The following SGPP2 variants were observed in gnomAD, a reference collection of about 807,000 sequenced individuals.
SGPP2 encodes sphingosine-1-phosphate phosphatase 2.
Under a neutral mutation model 33.9 loss-of-function variants are expected in SGPP2, and 30 were observed. The observed-to-expected ratio is 0.89, with a 90% confidence interval of 0.66 to 1.20. The LOEUF is 1.20. Ranked by LOEUF, SGPP2 falls within the 50% of genes most tolerant of loss-of-function variation. SGPP2 has a pLI of 0.00. For synonymous variants in SGPP2, 233 were observed against 225.0 expected (o/e 1.04, Z -0.32); for missense variants, 458 against 532.1 (o/e 0.86, Z 1.37).
At chr2:222,458,604 G>A (rs1697608508) in intron 1 of SGPP2, among the ~76,000 whole-genome samples, 1 of 152,068 alleles carries the variant, frequency 6.6e-6, no homozygotes, top group Admixed American at 6.6e-5. Flanking sequence ...CTATTTCCGA[G>A]GCTTCCGAGT....
intron 2 of SGPP2, among the ~76,000 whole-genome samples, chr2:222,489,418 A>G (rs1698163367): frequency 6.6e-6 from 1 of 152,152 alleles, no homozygotes; most frequent in Non-Finnish European, 1.5e-5. Context: ...TATTAAGAAA[A>G]AAAAAAAAAG....
chr2:222,508,765 A>G (rs1446083478), intron 2 of SGPP2, among the ~76,000 whole-genome samples: 3 of 152,178 alleles, frequency 2.0e-5, no homozygotes, highest in East Asian at 1.9e-4. Context: ...TTTCATCTCT[A>G]TTTTTACAAA....
chr2:222,459,122 T>TTTTCTTTCTTTCTTTCTTTCTTTCTTTC lies in SGPP2; in HGVS notation c.220-15423_220-15422insCTTTCTTTCTTTCTTTCTTTCTTTCTTT, dbSNP rs1276411843. On this transcript the variant is annotated intron_variant, in intron 1 of 4. Coordinates refer to ENST00000321276, the MANE Select transcript of SGPP2 (RefSeq NM_152386.4). ...GCTTGTCTAAAAAAGACACACTTTT[T>TTTTCTTTCTTTCTTTCTTTCTTTCTTTC]TTTCTTTCTTTCTTTCTTTCTTTTT... is the stretch of plus-strand genomic sequence containing the variant. Among the ~76,000 whole-genome samples the TTTTCTTTCTTTCTTTCTTTCTTTCTTTC allele has an allele frequency of 2.9e-5, 4 of 138,938 alleles. 1 individual carries two copies. The highest frequency in any genetic ancestry group is 8.5e-3 in the Middle Eastern group (2 of 236). 91.1% of individuals were successfully genotyped at this position (138,938 alleles called of 152,430 possible). A position where few individuals can be genotyped will look rare whatever the true frequency, so the allele number is the denominator to read the frequency against.
At position 222,524,926 on chromosome 2, in the gene SGPP2, T is replaced by C. The variant is rs16863848; in HGVS notation, c.559-18T>C. The C allele has an allele frequency of 6.2e-7, 1 of 1,605,718 alleles. No individual in the cohort carries two copies. Among genetic ancestry groups the C allele is most frequent in the South Asian group, 1.1e-5 (1 of 90,642 alleles). On this transcript the variant is annotated intron_variant, in intron 3 of 4. Transcript: ENST00000321276. ...TGAGTGTGATCTAATTCCCTTGTTT[T>C]TTCTCCTTCCCCCACAGTATCCATT...
At chr2:222,481,894 A>G (rs548890795) in intron 2 of SGPP2, among the ~76,000 whole-genome samples, 5 of 152,324 alleles carry the variant, frequency 3.3e-5, no homozygotes, top group African/African-American at 9.6e-5. Flanking sequence ...CCACCATTCT[A>G]ACATAGCATG....
intron 2 of SGPP2, among the ~76,000 whole-genome samples, chr2:222,516,324 A>G (rs1248446734): frequency 6.6e-6 from 1 of 152,162 alleles, no homozygotes; most frequent in Non-Finnish European, 1.5e-5. Flanking sequence ...AATTATTTTG[A>G]GATTCATCCA....
intron 4 of SGPP2, among the ~76,000 whole-genome samples, chr2:222,556,893 C>T (rs187754876): frequency 2.8e-5 from 4 of 145,042 alleles, no homozygotes; most frequent in Non-Finnish European, 6.0e-5. Context: ...TCCACCCTCA[C>T]TCCTCCCCAT....
chr2:222,489,542 G>A (rs905344616), intron 2 of SGPP2, among the ~76,000 whole-genome samples: 1 of 151,576 alleles, frequency 6.6e-6, no homozygotes, highest in African/African-American at 2.4e-5. Context: ...ACCATAGAAA[G>A]CTTTTAGAAT....
chr2:222,548,689 T>C (rs997281137), intron 4 of SGPP2, among the ~76,000 whole-genome samples: 2 of 152,180 alleles, frequency 1.3e-5, no homozygotes, highest in African/African-American at 4.8e-5. Flanking sequence ...TGGACATTGA[T>C]GTGCTTTCAA....
At chr2:222,473,167 C>T (rs756974576) in intron 1 of SGPP2, among the ~76,000 whole-genome samples, 1 of 152,224 alleles carries the variant, frequency 6.6e-6, no homozygotes, top group Non-Finnish European at 1.5e-5. Context: ...GACTTCTTCT[C>T]TTTCATAATC....
chr2:222,513,770 T>C (rs1381115081), intron 2 of SGPP2, among the ~76,000 whole-genome samples: 1 of 151,572 alleles, frequency 6.6e-6, no homozygotes, highest in Admixed American at 6.6e-5. Flanking sequence ...TGGCCACAGG[T>C]CAAAGAGTAC....
intron 2 of SGPP2, among the ~76,000 whole-genome samples, chr2:222,507,733 A>G (rs1179206354): frequency 1.3e-5 from 2 of 152,192 alleles, no homozygotes; most frequent in African/African-American, 4.8e-5. Flanking sequence ...TGAATCTACC[A>G]TGCAGTTTCC....
chr2:222,475,509 G>C (rs921501050), intron 2 of SGPP2, among the ~76,000 whole-genome samples: 23 of 152,158 alleles, frequency 1.5e-4, no homozygotes, highest in Admixed American at 8.5e-4. Flanking sequence ...ATCAGAAGCT[G>C]TTGAGCAATA....
chr2:222,444,624 C>T (rs1057259790), intron 1 of SGPP2, among the ~76,000 whole-genome samples: 18 of 152,114 alleles, frequency 1.2e-4, no homozygotes, highest in African/African-American at 4.3e-4. Flanking sequence ...AATTCTTTTT[C>T]AAAGTTCATC....
intron 1 of SGPP2, among the ~76,000 whole-genome samples, chr2:222,468,809 C>A (rs1164997856): frequency 1.3e-5 from 2 of 152,202 alleles, no homozygotes. Context: ...TTTATTTAAA[C>A]ATTGAAGGCA....
intron 2 of SGPP2, among the ~76,000 whole-genome samples, chr2:222,492,544 G>C (rs12386196): frequency 0.17 from 25,543 of 152,236 alleles, 2,540 homozygotes; most frequent in East Asian, 0.5. Context: ...GAGGCCCTGG[G>C]TCCTGCCCAC....
chr2:222,459,142 C>CTTTCTTTTTTTTTTTTTTTTTTTTTT (rs1414316448), intron 1 of SGPP2, among the ~76,000 whole-genome samples: 3 of 94,466 alleles, frequency 3.2e-5, no homozygotes, highest in Admixed American at 1.2e-4. Context: ...TTCTTTCTTT[C>CTTTCTTTTTTTTTTTTTTTTTTTTTT]TTTTTTTTTT....
At chr2:222,454,053 G>A (rs1227134860) in intron 1 of SGPP2, among the ~76,000 whole-genome samples, 2 of 151,722 alleles carry the variant, frequency 1.3e-5, no homozygotes, top group Non-Finnish European at 2.9e-5. Context: ...AAGTGTAGAT[G>A]CATTTTGTAA....
In SGPP2 at chr2:222,559,974, T is replaced by A. The variant is rs1249206611; in HGVS notation, c.*1076T>A. 1 of 152,330 alleles carries A rather than the reference T, an allele frequency of 6.6e-6. No individual in the cohort carries two copies. The highest frequency in any genetic ancestry group is 2.4e-5 in the African/African-American group (1 of 41,452). 9.4% of individuals were successfully genotyped at this position (152,330 alleles called of 1,614,324 possible). ...ATTCCAGGTACCATTACCACACTCT[T>A]CTGACCCATGAAACCAACTGGCTGC... On this transcript the variant is annotated 3_prime_UTR_variant, in exon 5 of 5. Coordinates refer to ENST00000321276, the MANE Select transcript of SGPP2 (RefSeq NM_152386.4).
Sources: allele counts gnomAD v4.1 joint callset (sites outside exome capture counted in the v4.1 genomes callset), GRCh38; gene constraint gnomAD v4.1.1; transcripts MANE v1.5; gene names NCBI Gene and HGNC (gene_info 2026-07-23, HGNC 2026-07-21).